Variants in DOCK4 observed in about 807,000 individuals in gnomAD.
The protein encoded by DOCK4 is dedicator of cytokinesis 4.
A neutral mutation model predicts 268.1 loss-of-function variants in DOCK4; 97 were observed. The ratio of observed to expected loss-of-function variants is 0.36; its 90% confidence interval spans 0.31 to 0.43. The LOEUF is 0.43. Ranked by LOEUF, DOCK4 falls within the 20% of genes least tolerant of loss-of-function variation. The pLI is 1.00. For missense variants in DOCK4, 2,145 were observed against 2,455.7 expected (o/e 0.87, Z 2.67); for synonymous variants, 954 against 887.2 (o/e 1.08, Z -1.34).
At chr7:112,193,952 G>A (rs1820193499) in intron 1 of DOCK4, among the ~76,000 whole-genome samples, 1 of 151,956 alleles carries the variant, frequency 6.6e-6, no homozygotes, top group Admixed American at 6.6e-5. Context: ...CCTATGAAGA[G>A]AGCATGTGAG....
chr7:111,807,721 C>T (rs538989653), intron 30 of DOCK4: 1 of 152,124 alleles, frequency 6.6e-6, no homozygotes, highest in Non-Finnish European at 1.5e-5. Flanking sequence ...AGTGATCTGC[C>T]CGCTCCAGGC....
At chr7:112,195,451 T>C (rs1231075232) in intron 1 of DOCK4, among the ~76,000 whole-genome samples, 1 of 152,180 alleles carries the variant, frequency 6.6e-6, no homozygotes, top group East Asian at 1.9e-4. Context: ...TTTTGGGTTT[T>C]CGTATTTCTT....
intron 1 of DOCK4, among the ~76,000 whole-genome samples, chr7:112,201,327 T>A (rs1302817074): frequency 1.3e-5 from 2 of 152,186 alleles, no homozygotes; most frequent in Non-Finnish European, 2.9e-5. Flanking sequence ...GGAATTTATG[T>A]GATGACTGAG....
chr7:111,803,490 A>C (rs1800451562), intron 30 of DOCK4, among the ~76,000 whole-genome samples: 1 of 152,224 alleles, frequency 6.6e-6, no homozygotes, highest in African/African-American at 2.4e-5. Context: ...TTATGCACAC[A>C]GAACAGCCTG....
Position 111,811,913 on chromosome 7 carries a change from T to G in DOCK4, c.2967A>C (p.Ala989=). 1 of 1,530,842 alleles carries G rather than the reference T, an allele frequency of 6.5e-7. No individual in the cohort carries two copies. The highest frequency in any genetic ancestry group is 8.8e-7 in the Non-Finnish European group (1 of 1,129,976). The allele number at this position is 1,530,842 out of a possible 1,614,324, so 94.8% of individuals were successfully genotyped here. The change falls in exon 28 of 53, where the codon GCA becomes GCC. Residue 989 remains alanine (A), a synonymous_variant. Coordinates refer to ENST00000428084, the MANE Select transcript of DOCK4 (RefSeq NM_001363540.2). Reference sequence around the variant, plus strand: ...TTTCATTTAAGAAGTTCTTACGAAGTGCATCTGAGAGGTATAGAACTGTTG... The same window carrying G: ...TTTCATTTAAGAAGTTCTTACGAAGGGCATCTGAGAGGTATAGAACTGTTG... ...IITTVLYLSD[A]LRKNFLNENF... is the part of the protein sequence containing the mutation.
At chr7:112,169,910 T>G (rs539613638) in intron 1 of DOCK4, among the ~76,000 whole-genome samples, 1 of 152,166 alleles carries the variant, frequency 6.6e-6, no homozygotes, top group Non-Finnish European at 1.5e-5. Context: ...ATCTCAACAG[T>G]TGTGCAACTT....
At chr7:111,728,951 T>A (rs770468078) in intron 52 of DOCK4, among the ~76,000 whole-genome samples, 14 of 151,994 alleles carry the variant, frequency 9.2e-5, no homozygotes, top group Non-Finnish European at 1.9e-4. Context: ...CAGGGAGACG[T>A]CAGGAATGCG....
Position 112,018,171 on chromosome 7 carries a change from A to AC in DOCK4, c.38-14041_38-14040insG, listed in dbSNP as rs1562997189. ...AAAAAAAAAAAAAAAAAAAAAAAAA[A>AC]AAAAAAAAACACAGGCAACCAGTAT... is the stretch of plus-strand genomic sequence containing the variant. On this transcript the variant is annotated intron_variant, in intron 1 of 52. Transcript: ENST00000428084. Among the ~76,000 whole-genome samples, 19 of 136,986 alleles carry AC rather than the reference A, an allele frequency of 1.4e-4. 1 individual carries two copies. The highest frequency in any genetic ancestry group is 5.4e-4 in the African/African-American group (19 of 35,334). The allele number at this position is 136,986 out of a possible 152,430, so 89.9% of individuals were successfully genotyped here. A position where few individuals can be genotyped will look rare whatever the true frequency, so the allele number is the denominator to read the frequency against.
In DOCK4 at chr7:112,047,887, C is replaced by T. The variant is rs575888213; in HGVS notation, c.38-43756G>A. 5.3e-5 allele frequency among the ~76,000 whole-genome samples: 8 copies of T among 152,056 alleles called. No individual in the cohort carries two copies. The South Asian group carries it at 8.3e-4, about 16-fold the overall frequency. On this transcript the variant is annotated intron_variant, in intron 1 of 52. Coordinates refer to ENST00000428084, the MANE Select transcript of DOCK4 (RefSeq NM_001363540.2). ...TTTTATTTTTGTAGAAATGGGGTCT[C>T]GCTATGTTTCAGAGGCTCATCTATA...
chr7:111,831,165 G>A (rs753170713), intron 26 of DOCK4, among the ~76,000 whole-genome samples: 7 of 151,994 alleles, frequency 4.6e-5, no homozygotes, highest in African/African-American at 9.7e-5. Context: ...GGCTGAAACC[G>A]AATTTACCTT....
chr7:111,988,397 T>C (rs1045550440), intron 6 of DOCK4, among the ~76,000 whole-genome samples: 1 of 152,226 alleles, frequency 6.6e-6, no homozygotes, highest in African/African-American at 2.4e-5. Flanking sequence ...AGTGATTAGA[T>C]TTACCATTTT....
Position 112,195,874 on chromosome 7 carries a change from A to G in DOCK4, c.37+10228T>C, listed in dbSNP as rs113369022. ...TTAGCAAATTCAACCAGGAAAACTT[A>G]CAAATTTCATATCCAGAAGGGTTCT... is the stretch of plus-strand genomic sequence containing the variant. On this transcript the variant is annotated intron_variant, in intron 1 of 52. Transcript: ENST00000428084. Among the ~76,000 whole-genome samples, 476 of 152,328 alleles carry G rather than the reference A, an allele frequency of 3.1e-3. 2 individuals are homozygous for G. The highest frequency in any genetic ancestry group is 5.7e-3 in the Non-Finnish European group (390 of 68,032).
At chr7:112,126,341 G>A (rs1325064395) in intron 1 of DOCK4, among the ~76,000 whole-genome samples, 1 of 152,110 alleles carries the variant, frequency 6.6e-6, no homozygotes, top group South Asian at 2.1e-4. Flanking sequence ...CCACATTAGA[G>A]ATGAAGGTAA....
chr7:111,933,294 A>ATG (rs1794411924), intron 12 of DOCK4, among the ~76,000 whole-genome samples: 1 of 116,366 alleles, frequency 8.6e-6, no homozygotes, highest in Admixed American at 8.4e-5. Context: ...ATATATATAT[A>ATG]TATATTTTTT....
intron 25 of DOCK4, among the ~76,000 whole-genome samples, chr7:111,840,357 C>T (rs1586143589): frequency 6.6e-6 from 1 of 152,120 alleles, no homozygotes; most frequent in African/African-American, 2.4e-5. Flanking sequence ...TCACATGCTC[C>T]GTAAATGTTA....
intron 1 of DOCK4, among the ~76,000 whole-genome samples, chr7:112,188,736 C>T (rs182256158): frequency 5.9e-4 from 90 of 152,306 alleles, no homozygotes; most frequent in African/African-American, 2.1e-3. Flanking sequence ...TGCAATACTC[C>T]AGCCTCATTT....
At chr7:111,900,120 TG>T (rs1309265010) in intron 15 of DOCK4, among the ~76,000 whole-genome samples, 1 of 152,188 alleles carries the variant, frequency 6.6e-6, no homozygotes, top group Non-Finnish European at 1.5e-5. Context: ...AAAGTCCTAG[TG>T]GGTTTCCCCA....
chr7:111,991,546 G>C, intron 5 of DOCK4, among the ~76,000 whole-genome samples: 1 of 152,166 alleles, frequency 6.6e-6, no homozygotes, highest in East Asian at 1.9e-4. Context: ...TTTAGAAAGC[G>C]ATGAGCTTTT....
intron 4 of DOCK4, among the ~76,000 whole-genome samples, chr7:111,995,066 C>G (rs1268251305): frequency 1.3e-5 from 2 of 149,320 alleles, no homozygotes; most frequent in East Asian, 4.0e-4. Context: ...GAGTCTTGCT[C>G]TGTCGCCCAG....
Sources: allele counts gnomAD v4.1 joint callset (sites outside exome capture counted in the v4.1 genomes callset), GRCh38; gene constraint gnomAD v4.1.1; transcripts MANE v1.5; gene names NCBI Gene and HGNC (gene_info 2026-07-23, HGNC 2026-07-21).